Variants in SPATA2L observed in about 807,000 individuals in gnomAD.
The protein encoded by SPATA2L is spermatogenesis-associated protein 2-like protein.
Under a neutral mutation model 8.7 loss-of-function variants are expected in SPATA2L, and 5 were observed. The observed-to-expected ratio is 0.57, with a 90% CI of 0.30 to 1.21. The LOEUF (loss-of-function observed/expected upper bound fraction) is 1.21. Ranked by LOEUF, SPATA2L falls within the 50% of genes most tolerant of loss-of-function variation. The probability of loss-of-function intolerance (pLI) is 0.07; values close to 1 mark genes in which losing one functional copy is unlikely to be tolerated. For missense variants in SPATA2L, 671 were observed against 591.0 expected, an observed-to-expected ratio of 1.14 and a Z score of -1.40; for synonymous variants, 358 against 275.8, an observed-to-expected ratio of 1.30 and a Z score of -2.95.
chr16:89,697,968 G>T lies in SPATA2L; in HGVS notation c.641C>A (p.Pro214His), dbSNP rs758898890. Residue 214 changes from proline to histidine, a missense_variant, in exon 3 of 3, where the codon CCC becomes CAC. Pro to His is a moderately conservative substitution (Grantham distance 77). Coordinates refer to ENST00000289805, the MANE Select transcript of SPATA2L (RefSeq NM_152339.4). ...AQDEEPPPLPPRGSPAAYRAP... is the reference protein window; with the variant it reads ...AQDEEPPPLPHRGSPAAYRAP... ...CCTGTAAGCAGCAGGGGAGCCTCGG[G>T]GGGGCAGGGGTGGCGGCTCCTCATC... 84 of 1,605,304 alleles carry T rather than the reference G, an allele frequency of 5.2e-5. No homozygotes were observed. The highest frequency in any genetic ancestry group is 6.3e-5 in the Non-Finnish European group (74 of 1,177,332).
intron 2 of SPATA2L, among the ~76,000 whole-genome samples, chr16:89,700,487 G>A (rs1305831528): frequency 1.3e-5 from 2 of 152,214 alleles, no homozygotes; most frequent in Non-Finnish European, 2.9e-5. Flanking sequence ...CACTAGGTCT[G>A]AGCCCAGCCC....
At position 89,701,212 on chromosome 16, in the gene SPATA2L, G is replaced by C. The variant is rs910713649; in HGVS notation, c.21C>G (p.Ser7=). 2 of 1,448,078 alleles carry C rather than the reference G, an allele frequency of 1.4e-6. No individual in the cohort carries two copies. The highest frequency in any genetic ancestry group is 1.8e-6 in the Non-Finnish European group (2 of 1,100,406). 89.7% of individuals were successfully genotyped at this position (1,448,078 alleles called of 1,614,324 possible). A position where few individuals can be genotyped will look rare whatever the true frequency, so the allele number is the denominator to read the frequency against. The part of the protein sequence containing the change: MGSSSL[S]EDYRQCLERE... ...GCTCCAGGCACTGGCGGTAGTCCTC[G>C]GACAGCGAGCTGCTGCCCATCCTGC... The change falls in exon 2 of 3, where the codon TCC becomes TCG. Residue 7 remains serine, a synonymous_variant. Coordinates refer to ENST00000289805, the MANE Select transcript of SPATA2L (RefSeq NM_152339.4).
At position 89,697,686 on chromosome 16, in the gene SPATA2L, G is replaced by T. The variant is rs758959494; in HGVS notation, c.923C>A (p.Ser308Tyr). The T allele has an allele frequency of 6.2e-7, 1 of 1,612,022 alleles. No homozygotes were observed. The highest frequency in any genetic ancestry group is 1.7e-5 in the Admixed American group (1 of 59,990). The stretch of plus-strand genomic sequence containing the variant: ...CAGCTCACGGCGCAGAGAGAGGAAG[G>T]AGAAGGCGGAAGGTTCAGGTTCCAG... ...EGLEPEPSAF[S>Y]FLSLRRELSR... The change falls in exon 3 of 3, where the codon TCC (serine) becomes TAC (tyrosine). Residue 308 changes from serine (S) to tyrosine (Y), a missense_variant. By Grantham distance (144) the Ser-to-Tyr change is moderately radical (BLOSUM62 -2). Transcript: ENST00000289805.
rs1229697750 is a variant in SPATA2L at position 89,697,934 on chromosome 16, C to T, written c.675G>A (p.Leu225=). The part of the protein sequence containing the change: ...RGSPAAYRAP[L]DLYRDLQEDE... Reference sequence around the variant, plus strand: ...CTTCCTGCAAGTCCCGGTATAAGTCCAGTGGGGCCCTGTAAGCAGCAGGGG... The same window carrying T: ...CTTCCTGCAAGTCCCGGTATAAGTCTAGTGGGGCCCTGTAAGCAGCAGGGG... The change falls in exon 3 of 3, where the codon CTG becomes CTA. Residue 225 remains leucine (L), a synonymous_variant. Transcript: ENST00000289805. 4 of 1,609,938 alleles carry T rather than the reference C, an allele frequency of 2.5e-6. No homozygotes were observed. The highest frequency in any genetic ancestry group is 3.4e-6 in the Non-Finnish European group (4 of 1,178,712).
At chr16:89,700,495 C>T (rs979687299) in intron 2 of SPATA2L, among the ~76,000 whole-genome samples, 2 of 152,228 alleles carry the variant, frequency 1.3e-5, no homozygotes, top group African/African-American at 4.8e-5. Flanking sequence ...CTGAGCCCAG[C>T]CCTGAGACTT....
In SPATA2L at chr16:89,699,389, GT is replaced by G. The variant is rs374672938; in HGVS notation, c.304-1085del. Among the ~76,000 whole-genome samples the G allele has an allele frequency of 3.3e-4, 50 of 152,092 alleles. 1 individual carries two copies. In the South Asian group the frequency reaches 1.0e-2, roughly 30 times the overall value. ...TCTTAAACGTGTTGTTCTGAACTTT[GT>G]TTTTTTCCACTACAGTCTTGCAGAC... On this transcript the variant is annotated intron_variant, in intron 2 of 2. Coordinates refer to ENST00000289805, the MANE Select transcript of SPATA2L (RefSeq NM_152339.4).
Position 89,698,241 on chromosome 16 carries a change from C to A in SPATA2L, c.368G>T (p.Ser123Ile). Residue 123 changes from serine to isoleucine, a missense_variant, in exon 3 of 3, where the codon AGC becomes ATC. By Grantham distance (142) the Ser-to-Ile change is moderately radical. Transcript: ENST00000289805. ...GCGTACGTAGCCCATCTTCTGGAAG[C>A]TCTTCAGGAGGAGGTCGTCTGAGAG... Reference protein sequence around the residue: ...GVLSDDLLLKSFQKMGYVRRD... With the variant: ...GVLSDDLLLKIFQKMGYVRRD... The A allele has an allele frequency of 6.2e-7, 1 of 1,610,186 alleles. No homozygotes were observed. Among genetic ancestry groups the A allele is most frequent in the Non-Finnish European group, 8.5e-7 (1 of 1,178,022 alleles).
chr16:89,700,947 C>T lies in SPATA2L; in HGVS notation c.286G>A (p.Glu96Lys). 6.7e-7 allele frequency: 1 copy of T among 1,501,574 alleles called. No homozygotes were observed. Among genetic ancestry groups the T allele is most frequent in the Non-Finnish European group, 8.9e-7 (1 of 1,123,014 alleles). The allele number at this position is 1,501,574 out of a possible 1,614,324, so 93.0% of individuals were successfully genotyped here. A position where few individuals can be genotyped will look rare whatever the true frequency, so the allele number is the denominator to read the frequency against. ...GCGCCTACCTTGATGGTGGTGAACTCCTTCCTCCAGGGCAGCAGGTACAGG... is the reference window on the plus strand; with the variant it reads ...GCGCCTACCTTGATGGTGGTGAACTTCTTCCTCCAGGGCAGCAGGTACAGG... ...VHLYLLPWRK[E>K]FTTIKTFSGG... Residue 96 changes from glutamate to lysine, a missense_variant, in exon 2 of 3, where the codon GAG (glutamate) becomes AAG (lysine). Coordinates refer to ENST00000289805, the MANE Select transcript of SPATA2L (RefSeq NM_152339.4).
chr16:89,697,553 G>A lies in SPATA2L; in HGVS notation c.1056C>T (p.Pro352=), dbSNP rs756610726. ...PASAYRSVSE[P]PGYQAHSCLS... ...GGCAGCTGTGTGCCTGGTAGCCTGG[G>A]GGCTCCGAGACAGACCTATAGGCTG... The change falls in exon 3 of 3, where the codon CCC becomes CCT. Residue 352 remains proline, a synonymous_variant. Transcript: ENST00000289805. 6.3e-7 allele frequency: 1 copy of A among 1,591,062 alleles called. No individual in the cohort carries two copies. Among genetic ancestry groups the A allele is most frequent in the Admixed American group, 1.7e-5 (1 of 58,860 alleles).
At position 89,701,098 on chromosome 16, in the gene SPATA2L, C is replaced by G. The variant is rs1180375064; in HGVS notation, c.135G>C (p.Leu45=). ...LWQILVEDFD[L]HGALQDDALA... The stretch of plus-strand genomic sequence containing the variant: ...GCGCGTCGTCCTGCAGCGCCCCGTG[C>G]AGGTCGAAGTCCTCCACCAGGATCT... The change falls in exon 2 of 3, where the codon CTG becomes CTC. Residue 45 remains leucine, a synonymous_variant. Coordinates refer to ENST00000289805, the MANE Select transcript of SPATA2L (RefSeq NM_152339.4). The G allele has an allele frequency of 1.3e-6, 2 of 1,565,174 alleles. No individual in the cohort carries two copies. Among genetic ancestry groups the G allele is most frequent in the Admixed American group, 1.8e-5 (1 of 55,608 alleles).
At chr16:89,700,898 G>A in intron 2 of SPATA2L, 32 bp downstream of exon 2, 1 of 1,412,642 alleles carries the variant, frequency 7.1e-7, no homozygotes, top group South Asian at 1.6e-5. Context: ...AGGCCAGGAC[G>A]AGGGGCGCGC....
In SPATA2L at chr16:89,697,417, G is replaced by A; in HGVS notation, c.1192C>T (p.Leu398Phe). 1 of 1,603,528 alleles carries A rather than the reference G, an allele frequency of 6.2e-7. No homozygotes were observed. Among genetic ancestry groups the A allele is most frequent in the Non-Finnish European group, 8.5e-7 (1 of 1,174,922 alleles). Residue 398 changes from leucine (L) to phenylalanine (F), a missense_variant, in exon 3 of 3, where the codon CTT (leucine) becomes TTT (phenylalanine). Transcript: ENST00000289805. ...CACAAGCGCCGCTGGGCGTCGCCAA[G>A]CAGCACACGCAGCGAGTGGCCTGGA... ...CRPGHSLRVL[L>F]GDAQRRLWLQ...
Position 89,700,990 on chromosome 16 carries a change from C to CA in SPATA2L, c.242dup (p.Glu82GlyfsTer82). On this transcript the variant is annotated frameshift_variant, in exon 2 of 3. Coordinates refer to ENST00000289805, the MANE Select transcript of SPATA2L (RefSeq NM_152339.4). LOFTEE classifies it high-confidence loss of function. ...GGTACAGGTGCACCGCGGCGAGCTC[C>CA]AGAAGCTCGAAGGCGCGAGCCAGGC... The CA allele has an allele frequency of 6.4e-7, 1 of 1,566,502 alleles. No individual in the cohort carries two copies. Among genetic ancestry groups the CA allele is most frequent in the Non-Finnish European group, 8.6e-7 (1 of 1,158,040 alleles).
In SPATA2L at chr16:89,698,221, C is replaced by A; in HGVS notation, c.388G>T (p.Val130Leu). Reference protein sequence around the residue: ...LLKSFQKMGYVRRDSHRLMVT... With the variant: ...LLKSFQKMGYLRRDSHRLMVT... ...ATGAGCCGATGGCTGTCTCTGCGTA[C>A]GTAGCCCATCTTCTGGAAGCTCTTC... is the stretch of plus-strand genomic sequence containing the variant. Residue 130 changes from valine (V) to leucine (L), a missense_variant, in exon 3 of 3, where the codon GTA becomes TTA. Val to Leu is a conservative substitution (Grantham distance 32). Coordinates refer to ENST00000289805, the MANE Select transcript of SPATA2L (RefSeq NM_152339.4). 5 of 1,612,322 alleles carry A rather than the reference C, an allele frequency of 3.1e-6. No homozygotes were observed. Among genetic ancestry groups the A allele is most frequent in the Non-Finnish European group, 2.5e-6 (3 of 1,179,346 alleles).
At position 89,697,169 on chromosome 16, in the gene SPATA2L, CAG is replaced by C. The variant is rs1182401261; in HGVS notation, c.*163_*164del. The C allele has an allele frequency of 4.3e-5, 60 of 1,381,022 alleles. No individual in the cohort carries two copies. The highest frequency in any genetic ancestry group is 5.3e-4 in the Middle Eastern group (2 of 3,750). The allele number at this position is 1,381,022 out of a possible 1,614,324, so 85.5% of individuals were successfully genotyped here. On this transcript the variant is annotated 3_prime_UTR_variant, in exon 3 of 3. Coordinates refer to ENST00000289805, the MANE Select transcript of SPATA2L (RefSeq NM_152339.4). ...TGCTGCCCTTGGAGCCTTCCATATACAGAGAGTCCCACCTCCAGCAAGGGTTG... is the reference window on the plus strand; with the variant it reads ...TGCTGCCCTTGGAGCCTTCCATATACAGAGTCCCACCTCCAGCAAGGGTTG...
Position 89,697,339 on chromosome 16 carries a change from GC to G in SPATA2L, c.1269del (p.Ter425ArgfsTer172). The G allele has an allele frequency of 1.3e-6, 2 of 1,509,696 alleles. No individual in the cohort carries two copies. The highest frequency in any genetic ancestry group is 1.8e-6 in the Non-Finnish European group (2 of 1,129,126). The allele number at this position is 1,509,696 out of a possible 1,614,324, so 93.5% of individuals were successfully genotyped here. On this transcript the variant is annotated frameshift_variant, in exon 3 of 3. Coordinates refer to ENST00000289805, the MANE Select transcript of SPATA2L (RefSeq NM_152339.4). LOFTEE classifies it high-confidence loss of function. ...TGACCTGGGGCCCAGCTGGCCTAGG[GC>G]CGGGCCCCGGGGCTGTTGTAGAGCA... ...DTLLYNSPGA[R>X]P
chr16:89,700,900 G>C, intron 2 of SPATA2L, 30 bp downstream of exon 2: 1 of 1,413,496 alleles, frequency 7.1e-7, no homozygotes, highest in Non-Finnish European at 9.3e-7. Flanking sequence ...GCCAGGACGA[G>C]GGGCGCGCTC....
rs2060746622 is a variant in SPATA2L, at chr16:89,697,942, C to T, written c.667G>A (p.Ala223Thr). Residue 223 changes from alanine (A) to threonine (T), a missense_variant, in exon 3 of 3, where the codon GCC (alanine) becomes ACC (threonine). Coordinates refer to ENST00000289805, the MANE Select transcript of SPATA2L (RefSeq NM_152339.4). ...PPRGSPAAYRAPLDLYRDLQE... is the reference protein window; with the variant it reads ...PPRGSPAAYRTPLDLYRDLQE... ...AAGTCCCGGTATAAGTCCAGTGGGGCCCTGTAAGCAGCAGGGGAGCCTCGG... is the reference window on the plus strand; with the variant it reads ...AAGTCCCGGTATAAGTCCAGTGGGGTCCTGTAAGCAGCAGGGGAGCCTCGG... 6.2e-7 allele frequency: 1 copy of T among 1,608,910 alleles called. No homozygotes were observed. Among genetic ancestry groups the T allele is most frequent in the Non-Finnish European group, 8.5e-7 (1 of 1,178,158 alleles).
rs1328649106 is a variant in SPATA2L, at chr16:89,696,829, C to T, written c.*505G>A. ...CGTCCCCGAAGCCAGGTCAGCCGTG[C>T]ACCCGGCAGAGCCCCGCAGATTGGC... On this transcript the variant is annotated 3_prime_UTR_variant, in exon 3 of 3. Coordinates refer to ENST00000289805, the MANE Select transcript of SPATA2L (RefSeq NM_152339.4). The T allele has an allele frequency of 3.3e-6, 5 of 1,535,162 alleles. No individual in the cohort carries two copies. Among genetic ancestry groups the T allele is most frequent in the East Asian group, 2.4e-5 (1 of 40,894 alleles).
Sources: gnomAD v4.1 joint callset for allele counts (sites outside exome capture counted in the v4.1 genomes callset) on GRCh38, gnomAD v4.1.1 for gene constraint, MANE v1.5 for transcripts, NCBI Gene and HGNC (gene_info 2026-07-23, HGNC 2026-07-21) for gene names.